The following DNAH14 variants were observed in gnomAD, a reference collection of about 807,000 sequenced individuals.
DNAH14 encodes the protein axonemal beta dynein heavy chain 14.
In DNAH14, 478 loss-of-function variants were observed where a neutral mutation model predicts 520.9. The observed-to-expected ratio is 0.92, with a 90% confidence interval of 0.85 to 0.99. DNAH14 has a LOEUF of 0.99. DNAH14 is among the 50% of genes least tolerant of loss of function. DNAH14 has a pLI of 0.00. For missense variants in DNAH14, 4,831 were observed against 5,234.5 expected, an observed-to-expected ratio of 0.92 and a Z score of 2.38; for synonymous variants, 1,581 against 1,757.2, an observed-to-expected ratio of 0.90 and a Z score of 2.51.
rs928645284 is a variant in DNAH14, at chr1:225,331,288, A to G, written c.9724-149A>G. ...GAATCATTTCATTTCTACAATGTCC[A>G]TTTTCATTGGTAATATAATCCCTCC... On this transcript the variant is annotated intron_variant, in intron 64 of 85. Coordinates refer to ENST00000682510, the MANE Select transcript of DNAH14 (RefSeq NM_001367479.1). The G allele has an allele frequency of 5.2e-5, 37 of 708,520 alleles. 2 individuals are homozygous for G. Among genetic ancestry groups the G allele is most frequent in the Middle Eastern group, 8.0e-4 (2 of 2,514 alleles). 43.9% of individuals were successfully genotyped at this position (708,520 alleles called of 1,614,324 possible).
At chr1:225,157,624 A>G (rs907485527) in intron 34 of DNAH14, among the ~76,000 whole-genome samples, 9 of 152,190 alleles carry the variant, frequency 5.9e-5, no homozygotes, top group African/African-American at 2.2e-4. Flanking sequence ...CACTTGCCCT[A>G]CTACCAGACA....
At position 225,147,302 on chromosome 1, in the gene DNAH14, A is replaced by G. The variant is rs115569155; in HGVS notation, c.4940+53A>G. ...TGAATTGAAATCTGATACACACTTA[A>G]TGTTTAGTTAATTATTGTTAAATAT... On this transcript the variant is annotated intron_variant, in intron 31 of 85. Transcript: ENST00000682510. The G allele has an allele frequency of 9.5e-4, 1,357 of 1,428,650 alleles. 9 individuals carry two copies. The African/African-American group carries it at 0.017, about 18-fold the overall frequency. The allele number at this position is 1,428,650 out of a possible 1,614,324, so 88.5% of individuals were successfully genotyped here.
intron 76 of DNAH14, among the ~76,000 whole-genome samples, chr1:225,366,148 C>G (rs1455468746): frequency 6.6e-6 from 1 of 152,052 alleles, no homozygotes; most frequent in African/African-American, 2.4e-5. Context: ...ATTAAATTGG[C>G]TAAGACTATA....
chr1:225,042,638 T>A (rs1347352907), intron 12 of DNAH14, among the ~76,000 whole-genome samples, 197 bp from the exon 13 acceptor site: 1 of 152,198 alleles, frequency 6.6e-6, no homozygotes, highest in Non-Finnish European at 1.5e-5. Context: ...TGGGGGGAAC[T>A]CCTTCATTAC....
chr1:225,299,097 G>A (rs2094080138), intron 55 of DNAH14, among the ~76,000 whole-genome samples: 1 of 152,224 alleles, frequency 6.6e-6, no homozygotes. Context: ...TTATGGGGAA[G>A]ACTACTTCCA....
At chr1:225,237,211 A>C (rs1021504741) in intron 42 of DNAH14, among the ~76,000 whole-genome samples, 4 of 152,110 alleles carry the variant, frequency 2.6e-5, no homozygotes, top group African/African-American at 9.7e-5. Flanking sequence ...TCATAGTGTC[A>C]CTGGCCTGTG....
intron 21 of DNAH14, among the ~76,000 whole-genome samples, chr1:225,086,576 A>G (rs1363174367): frequency 6.6e-6 from 1 of 152,182 alleles, no homozygotes; most frequent in Middle Eastern, 3.2e-3. Flanking sequence ...GAGAGAAAGT[A>G]TATACACAAC....
chr1:225,309,619 G>A (rs971987826), intron 60 of DNAH14, among the ~76,000 whole-genome samples: 3 of 152,208 alleles, frequency 2.0e-5, no homozygotes, highest in African/African-American at 7.2e-5. Context: ...AAGGGGCCGA[G>A]CGGGGTGGCT....
chr1:225,206,977 G>T lies in DNAH14; in HGVS notation c.6196G>T (p.Asp2066Tyr). The T allele has an allele frequency of 6.7e-7, 1 of 1,495,858 alleles. No homozygotes were observed. Among genetic ancestry groups the T allele is most frequent in the South Asian group, 1.3e-5 (1 of 75,200 alleles). The allele number at this position is 1,495,858 out of a possible 1,614,324, so 92.7% of individuals were successfully genotyped here. A position where few individuals can be genotyped will look rare whatever the true frequency, so the allele number is the denominator to read the frequency against. Residue 2066 changes from aspartate to tyrosine, a missense_variant, in exon 41 of 86, where the codon GAT becomes TAT. Physicochemically the swap from Asp to Tyr is radical, Grantham distance 160 (BLOSUM62 -3). Transcript: ENST00000682510. Reference sequence around the variant, plus strand: ...TGCTCCTTATTATTAGGATCCTGTTGATCTGGGATGGGAACCTTATGTTAA... The same window carrying T: ...TGCTCCTTATTATTAGGATCCTGTTTATCTGGGATGGGAACCTTATGTTAA... ...RCAMVYMDPV[D>Y]LGWEPYVKSW...
intron 23 of DNAH14, 65 bp downstream of exon 23, chr1:225,100,949 G>C: frequency 7.8e-7 from 1 of 1,289,270 alleles, no homozygotes; most frequent in South Asian, 1.6e-5. Flanking sequence ...GTGATATAAT[G>C]TAATCTACTG....
chr1:225,223,014 C>T (rs560405650), intron 41 of DNAH14, among the ~76,000 whole-genome samples: 1 of 152,150 alleles, frequency 6.6e-6, no homozygotes, highest in Admixed American at 6.5e-5. Context: ...GAGGAGGAAT[C>T]ATCACCTACC....
chr1:225,208,518 T>A (rs1420440383), intron 41 of DNAH14, among the ~76,000 whole-genome samples: 1 of 152,128 alleles, frequency 6.6e-6, no homozygotes, highest in Non-Finnish European at 1.5e-5. Flanking sequence ...GAAATATGTG[T>A]ATATAGTTGA....
intron 38 of DNAH14, among the ~76,000 whole-genome samples, chr1:225,202,765 T>C (rs1199699018): frequency 6.6e-6 from 1 of 152,212 alleles, no homozygotes; most frequent in Non-Finnish European, 1.5e-5. Context: ...CTTCTCCCTG[T>C]GGCCTTTTCT....
intron 23 of DNAH14, among the ~76,000 whole-genome samples, chr1:225,101,698 T>C (rs1386155623): frequency 6.6e-6 from 1 of 152,186 alleles, no homozygotes; most frequent in Non-Finnish European, 1.5e-5. Flanking sequence ...TCTCATTCTC[T>C]TTTATGGCCG....
intron 66 of DNAH14, among the ~76,000 whole-genome samples, chr1:225,336,353 G>T (rs2095054388): frequency 6.6e-6 from 1 of 151,910 alleles, no homozygotes; most frequent in East Asian, 1.9e-4. Context: ...AGATGTTAAG[G>T]CATAAAAGGA....
chr1:225,266,885 AC>A, intron 49 of DNAH14, 116 bp downstream of exon 49: 1 of 968,570 alleles, frequency 1.0e-6, no homozygotes, highest in African/African-American at 1.7e-5. Context: ...GGCCATATGG[AC>A]ATGTTAAGCA....
intron 31 of DNAH14, among the ~76,000 whole-genome samples, chr1:225,148,795 T>G (rs2080205859): frequency 6.6e-6 from 1 of 152,198 alleles, no homozygotes; most frequent in Non-Finnish European, 1.5e-5. Flanking sequence ...TAGAGTTGTT[T>G]GTTTTTGCTT....
intron 60 of DNAH14, among the ~76,000 whole-genome samples, chr1:225,310,027 A>G (rs2094328207): frequency 6.6e-6 from 1 of 151,408 alleles, no homozygotes; most frequent in Non-Finnish European, 1.5e-5. Flanking sequence ...AAAGTATAAT[A>G]ATAATAAATA....
intron 36 of DNAH14, among the ~76,000 whole-genome samples, chr1:225,184,433 A>C (rs2084421056): frequency 6.6e-6 from 1 of 152,160 alleles, no homozygotes; most frequent in Admixed American, 6.5e-5. Flanking sequence ...CAACCTGGTC[A>C]ACATGGAGAA....
Sources: gnomAD v4.1 joint callset for allele counts (sites outside exome capture counted in the v4.1 genomes callset) on GRCh38, gnomAD v4.1.1 for gene constraint, MANE v1.5 for transcripts, NCBI Gene and HGNC (gene_info 2026-07-23, HGNC 2026-07-21) for gene names.